The following DAB1 variants were observed in gnomAD, a reference collection of about 807,000 sequenced individuals.
The protein encoded by DAB1 is disabled homolog 1.
A neutral mutation model predicts 64.6 loss-of-function variants in DAB1; 15 were observed. That is an observed-to-expected ratio of 0.23 (90% CI 0.16 to 0.36). The LOEUF (loss-of-function observed/expected upper bound fraction) is 0.36, where lower values mean the gene tolerates loss of function less well. DAB1 is among the 10% of genes least tolerant of loss of function. The probability of loss-of-function intolerance (pLI) is 1.00; values close to 1 mark genes in which losing one functional copy is unlikely to be tolerated. For missense variants in DAB1, 596 were observed against 706.7 expected (o/e 0.84, Z 1.78); for synonymous variants, 235 against 251.9 (o/e 0.93, Z 0.64).
chr1:58,505,581 A>G (rs1645975271), intron 3 of DAB1, among the ~76,000 whole-genome samples: 1 of 152,178 alleles, frequency 6.6e-6, no homozygotes, highest in Non-Finnish European at 1.5e-5. Context: ...TCATAAAGAA[A>G]TAAATAACCA....
chr1:57,566,542 GAAGAA>G (rs1473434504), intron 7 of DAB1, among the ~76,000 whole-genome samples: 20 of 152,150 alleles, frequency 1.3e-4, no homozygotes, highest in Middle Eastern at 3.4e-3. Context: ...GATTAATAAA[GAAGAA>G]AAGAGAGAAG....
chr1:57,660,841 G>A (rs1427110559), intron 6 of DAB1, among the ~76,000 whole-genome samples: 8 of 152,264 alleles, frequency 5.3e-5, no homozygotes, highest in South Asian at 2.1e-4. Context: ...AGCTTCCCAC[G>A]GAATTGATTG....
chr1:57,977,115 G>A (rs1292646671), intron 5 of DAB1, among the ~76,000 whole-genome samples: 1 of 152,224 alleles, frequency 6.6e-6, no homozygotes, highest in African/African-American at 2.4e-5. Flanking sequence ...CTTTTGTACA[G>A]GTTACAATGC....
intron 1 of DAB1, among the ~76,000 whole-genome samples, chr1:57,872,443 CT>C (rs1413495551): frequency 6.6e-6 from 1 of 152,212 alleles, no homozygotes. Context: ...AAGCCTTGAT[CT>C]TGGAATTCCC....
chr1:57,033,629 G>A, intron 9 of DAB1: 5 of 1,506,980 alleles, frequency 3.3e-6, no homozygotes, highest in African/African-American at 1.4e-5. Flanking sequence ...CAAATGACAT[G>A]GATTTATGAG....
At chr1:57,340,008 C>T (rs181157040) in intron 1 of DAB1, among the ~76,000 whole-genome samples, 1 of 152,236 alleles carries the variant, frequency 6.6e-6, no homozygotes, top group Admixed American at 6.5e-5. Context: ...AGGATTCATC[C>T]TGTAATGAGC....
At chr1:57,319,933 C>A (rs1167899538) in intron 1 of DAB1, among the ~76,000 whole-genome samples, 2 of 152,200 alleles carry the variant, frequency 1.3e-5, no homozygotes, top group African/African-American at 4.8e-5. Context: ...TAGCAGCTAT[C>A]CTGGGACCAG....
intron 2 of DAB1, among the ~76,000 whole-genome samples, chr1:57,252,422 A>T (rs754747415): frequency 3.9e-5 from 6 of 152,202 alleles, no homozygotes; most frequent in African/African-American, 7.2e-5. Flanking sequence ...TATTTCAAGG[A>T]GACTGTAAAT....
At chr1:57,269,749 T>C (rs184893532) in intron 2 of DAB1, among the ~76,000 whole-genome samples, 235 of 151,980 alleles carry the variant, frequency 1.5e-3, no homozygotes, top group African/African-American at 5.6e-3. Context: ...ACCAGGGAGA[T>C]GAGGAGGATT....
intron 4 of DAB1, among the ~76,000 whole-genome samples, chr1:58,291,350 C>T (rs901237860): frequency 6.6e-6 from 1 of 152,192 alleles, no homozygotes; most frequent in African/African-American, 2.4e-5. Context: ...CTCTTTCTCA[C>T]CTTCAAGACA....
At chr1:57,647,267 A>AGAATAGGTTTG in intron 7 of DAB1, among the ~76,000 whole-genome samples, 1 of 152,152 alleles carries the variant, frequency 6.6e-6, no homozygotes, top group African/African-American at 2.4e-5. Context: ...AATAACCTTC[A>AGAATAGGTTTG]AACATCGCCT....
chr1:57,892,099 T>G (rs952903875), intron 5 of DAB1, among the ~76,000 whole-genome samples: 2 of 152,220 alleles, frequency 1.3e-5, no homozygotes, highest in Non-Finnish European at 2.9e-5. Flanking sequence ...GCACACAGTA[T>G]AAATTCGATA....
At chr1:57,611,862 C>G (rs1645730616) in intron 7 of DAB1, among the ~76,000 whole-genome samples, 1 of 152,218 alleles carries the variant, frequency 6.6e-6, no homozygotes, top group African/African-American at 2.4e-5. Context: ...TATAAATCCT[C>G]TAAGGTCTTC....
At chr1:58,051,414 T>C (rs187565397) in intron 5 of DAB1, among the ~76,000 whole-genome samples, 4 of 152,162 alleles carry the variant, frequency 2.6e-5, no homozygotes, top group Non-Finnish European at 2.9e-5. Flanking sequence ...TTCCATGGTG[T>C]ATATGTGCCA....
At chr1:57,753,805 T>C (rs1367083461) in intron 6 of DAB1, among the ~76,000 whole-genome samples, 1 of 152,202 alleles carries the variant, frequency 6.6e-6, no homozygotes, top group Non-Finnish European at 1.5e-5. Context: ...TTAAGAGGCA[T>C]GTTTGTAAAT....
chr1:57,725,063 A>T (rs1305505522), intron 6 of DAB1, among the ~76,000 whole-genome samples: 1 of 152,258 alleles, frequency 6.6e-6, no homozygotes, highest in Non-Finnish European at 1.5e-5. Context: ...ACAGCATAGT[A>T]CAGTGGTCAA....
chr1:58,072,803 T>C (rs1055369291), intron 5 of DAB1, among the ~76,000 whole-genome samples: 4 of 152,212 alleles, frequency 2.6e-5, no homozygotes, highest in African/African-American at 9.6e-5. Flanking sequence ...GATACAGCTG[T>C]AACCAAGGGG....
At chr1:57,218,716 T>C (rs908024296) in intron 2 of DAB1, among the ~76,000 whole-genome samples, 1 of 152,038 alleles carries the variant, frequency 6.6e-6, no homozygotes, top group East Asian at 1.9e-4. Context: ...TTCCATAGCC[T>C]GTTCTGTGTT....
intron 2 of DAB1, among the ~76,000 whole-genome samples, chr1:57,230,563 A>G (rs922286464): frequency 2.6e-5 from 4 of 152,154 alleles, no homozygotes; most frequent in African/African-American, 9.6e-5. Context: ...GTGAACGTAA[A>G]CATGAGCTTT....
Sources: gnomAD v4.1 joint callset for allele counts (sites outside exome capture counted in the v4.1 genomes callset) on GRCh38, gnomAD v4.1.1 for gene constraint, MANE v1.5 for transcripts, NCBI Gene and HGNC (gene_info 2026-07-23, HGNC 2026-07-21) for gene names.